The following PTPRG variants were observed in gnomAD, a reference collection of about 807,000 sequenced individuals.
PTPRG encodes the protein receptor-type tyrosine-protein phosphatase gamma.
PTPRG carries 102 observed loss-of-function variants against 165.3 expected under a neutral mutation model. The observed-to-expected ratio is 0.62, with a 90% CI of 0.53 to 0.73. PTPRG has a LOEUF of 0.73. Among genes scored for constraint, PTPRG ranks in the 30% least tolerant of loss-of-function variants. The pLI, the probability that PTPRG is intolerant of heterozygous loss-of-function variation, is 0.00. For missense variants in PTPRG, 1,866 were observed against 1,861.4 expected (o/e 1.00, Z -0.05); for synonymous variants, 675 against 669.5 (o/e 1.01, Z -0.13).
intron 4 of PTPRG, among the ~76,000 whole-genome samples, chr3:62,040,522 C>G (rs992964606): frequency 4.6e-5 from 7 of 152,228 alleles, no homozygotes; most frequent in Admixed American, 4.6e-4. Flanking sequence ...GGTGCAATCT[C>G]AGCTCACTAC....
At chr3:61,875,691 G>A (rs942313540) in intron 2 of PTPRG, among the ~76,000 whole-genome samples, 5 of 152,038 alleles carry the variant, frequency 3.3e-5, no homozygotes, top group Admixed American at 2.0e-4. Flanking sequence ...TTTATAGGCC[G>A]TCTTCATGCC....
At chr3:62,176,926 T>C (rs1176800618) in intron 8 of PTPRG, among the ~76,000 whole-genome samples, 1 of 152,142 alleles carries the variant, frequency 6.6e-6, no homozygotes, top group Non-Finnish European at 1.5e-5. Flanking sequence ...CTTTGTGACC[T>C]TGCTCAAGCT....
At chr3:61,879,126 G>T (rs747892960) in intron 2 of PTPRG, among the ~76,000 whole-genome samples, 3 of 152,198 alleles carry the variant, frequency 2.0e-5, no homozygotes, top group Non-Finnish European at 4.4e-5. Flanking sequence ...AACCAAAGGT[G>T]TAAAAATTGC....
chr3:61,664,523 T>A (rs1400622710), intron 1 of PTPRG, among the ~76,000 whole-genome samples: 1 of 152,236 alleles, frequency 6.6e-6, no homozygotes, highest in Non-Finnish European at 1.5e-5. Flanking sequence ...TGAGCATTAC[T>A]TTTGGCATTT....
At chr3:62,212,323 TGAG>T (rs1170064308) in intron 12 of PTPRG, among the ~76,000 whole-genome samples, 1 of 152,166 alleles carries the variant, frequency 6.6e-6, no homozygotes, top group Non-Finnish European at 1.5e-5. Flanking sequence ...CCAAATGTGC[TGAG>T]GAGAATGGAC....
chr3:61,745,447 A>T (rs1284892763), intron 1 of PTPRG, among the ~76,000 whole-genome samples: 1 of 152,148 alleles, frequency 6.6e-6, no homozygotes, highest in Non-Finnish European at 1.5e-5. Flanking sequence ...CCCTATTTCC[A>T]GGGAGCTTAG....
At position 61,989,612 on chromosome 3, in the gene PTPRG, C is replaced by A. The variant is rs766734721; in HGVS notation, c.191-13C>A. 14 of 1,609,872 alleles carry A rather than the reference C, an allele frequency of 8.7e-6. No individual in the cohort carries two copies. The highest frequency in any genetic ancestry group is 8.5e-6 in the Non-Finnish European group (10 of 1,178,196). On this transcript the variant is annotated splice_polypyrimidine_tract_variant and intron_variant, in intron 2 of 29. Coordinates refer to ENST00000474889, the MANE Select transcript of PTPRG (RefSeq NM_002841.4). ...TGAACCATGAGGATTGAAGTGTTGT[C>A]TTCTTTCAACAGGTGCCTATGGTCC...
intron 1 of PTPRG, among the ~76,000 whole-genome samples, chr3:61,738,848 C>T (rs1348991166): frequency 6.6e-6 from 1 of 152,188 alleles, no homozygotes; most frequent in African/African-American, 2.4e-5. Context: ...CATCACGGCT[C>T]ATGGCAACCT....
At chr3:61,611,689 A>G (rs889605603) in intron 1 of PTPRG, among the ~76,000 whole-genome samples, 1 of 152,174 alleles carries the variant, frequency 6.6e-6, no homozygotes, top group East Asian at 1.9e-4. Flanking sequence ...TGCAGGCCAT[A>G]TGCCTCAGTT....
At chr3:61,575,030 A>C (rs1247559565) in intron 1 of PTPRG, among the ~76,000 whole-genome samples, 2 of 152,226 alleles carry the variant, frequency 1.3e-5, no homozygotes, top group Non-Finnish European at 2.9e-5. Flanking sequence ...CACCATGTTG[A>C]GGATCAAATT....
chr3:62,264,745 A>G (rs1701810092), intron 17 of PTPRG, among the ~76,000 whole-genome samples: 1 of 152,190 alleles, frequency 6.6e-6, no homozygotes, highest in Non-Finnish European at 1.5e-5. Context: ...GAATACCGCT[A>G]TGAGCATTCA....
chr3:61,661,875 A>T (rs1488246587), intron 1 of PTPRG, among the ~76,000 whole-genome samples: 1 of 152,166 alleles, frequency 6.6e-6, no homozygotes, highest in African/African-American at 2.4e-5. Context: ...CCACCACCCA[A>T]TCCCTTACTG....
chr3:62,159,914 G>A (rs898927557), intron 7 of PTPRG, among the ~76,000 whole-genome samples: 1 of 152,198 alleles, frequency 6.6e-6, no homozygotes, highest in African/African-American at 2.4e-5. Flanking sequence ...GGAAAGGAAA[G>A]CATTCGCCAT....
chr3:61,738,262 ATATATATATATATATAC>A lies in PTPRG; in HGVS notation c.86-10615_86-10599del, dbSNP rs2032805530. Among the ~76,000 whole-genome samples the A allele has an allele frequency of 1.0e-4, 8 of 78,020 alleles. 1 individual carries two copies. Among genetic ancestry groups the A allele is most frequent in the Admixed American group, 4.6e-4 (3 of 6,576 alleles). 51.2% of individuals were successfully genotyped at this position (78,020 alleles called of 152,430 possible). On this transcript the variant is annotated intron_variant, in intron 1 of 29. Transcript: ENST00000474889. ...ATAGGGCTTCTTTGTCCATTTTTAT[ATATATATATATATATAC>A]ATATATATATATATATATATATATA...
At chr3:62,122,344 C>G (rs1703106402) in intron 5 of PTPRG, among the ~76,000 whole-genome samples, 1 of 152,122 alleles carries the variant, frequency 6.6e-6, no homozygotes, top group South Asian at 2.1e-4. Flanking sequence ...CTTCCATGAG[C>G]CCATGGTTTG....
chr3:61,614,709 G>A (rs762016939), intron 1 of PTPRG, among the ~76,000 whole-genome samples: 2 of 152,184 alleles, frequency 1.3e-5, no homozygotes, highest in African/African-American at 4.8e-5. Flanking sequence ...ACTGTGCCCA[G>A]CCTACTTTAA....
intron 6 of PTPRG, among the ~76,000 whole-genome samples, chr3:62,143,547 G>A (rs2106650657): frequency 6.7e-6 from 1 of 150,180 alleles, no homozygotes; most frequent in East Asian, 1.9e-4. Flanking sequence ...TTAGTCTCAT[G>A]AAGAATCTTT....
intron 2 of PTPRG, among the ~76,000 whole-genome samples, chr3:61,765,450 C>A (rs1263904557): frequency 6.6e-6 from 1 of 152,038 alleles, no homozygotes. Context: ...ATCTAAGAGG[C>A]CGTTAGGAAA....
intron 1 of PTPRG, among the ~76,000 whole-genome samples, chr3:61,719,215 T>C (rs2031945401): frequency 6.6e-6 from 1 of 152,194 alleles, no homozygotes; most frequent in Admixed American, 6.5e-5. Context: ...TTGTAGAAAT[T>C]TGGGAGAAGG....
Sources: gnomAD v4.1 joint callset for allele counts (sites outside exome capture counted in the v4.1 genomes callset) on GRCh38, gnomAD v4.1.1 for gene constraint, MANE v1.5 for transcripts, NCBI Gene and HGNC (gene_info 2026-07-23, HGNC 2026-07-21) for gene names.